Variants in IGHMBP2 observed in about 807,000 individuals in gnomAD.
The protein encoded by IGHMBP2 is immunoglobulin mu DNA binding protein 2, also known as DNA-binding protein SMUBP-2.
Under a neutral mutation model 96.0 loss-of-function variants are expected in IGHMBP2, and 81 were observed. The ratio of observed to expected loss-of-function variants is 0.84; its 90% confidence interval spans 0.71 to 1.01. The LOEUF (loss-of-function observed/expected upper bound fraction) is 1.01. Ranked by LOEUF, IGHMBP2 falls within the 50% of genes least tolerant of loss-of-function variation. The probability of loss-of-function intolerance (pLI) is 0.00; values close to 1 mark genes in which losing one functional copy is unlikely to be tolerated. For missense variants in IGHMBP2, 1,227 were observed against 1,306.3 expected, an observed-to-expected ratio of 0.94 and a Z score of 0.94; for synonymous variants, 557 against 548.9, an observed-to-expected ratio of 1.01 and a Z score of -0.21.
At chr11:68,930,291 A>G in intron 8 of IGHMBP2, 1 of 1,287,052 alleles carries the variant, frequency 7.8e-7, no homozygotes, top group Non-Finnish European at 1.0e-6. Context: ...TTGCCTTTTG[A>G]AACACTTCTC....
At position 68,933,438 on chromosome 11, in the gene IGHMBP2, G is replaced by A; in HGVS notation, c.1375G>A (p.Gly459Arg). 3 of 1,613,264 alleles carry A rather than the reference G, an allele frequency of 1.9e-6. No homozygotes were observed. In the Middle Eastern group the frequency reaches 4.9e-4, roughly 266 times the overall value. Reference sequence around the variant, plus strand: ...CTGGGCCTCAGACACCATGTACCTTGGGCAGCTCACAGCCCACTCTTCCGT... The same window carrying A: ...CTGGGCCTCAGACACCATGTACCTTAGGCAGCTCACAGCCCACTCTTCCGT... ...MRWASDTMYL[G>R]QLTAHSSVAR... Residue 459 changes from glycine to arginine, a missense_variant, in exon 9 of 15, where the codon GGG becomes AGG. This residue lies in a region of IGHMBP2 where 703 missense variants were observed against 770.3 expected (regional missense o/e 0.91). Transcript: ENST00000255078.
At chr11:68,917,972 G>A in intron 7 of IGHMBP2, 89 bp downstream of exon 7, 1 of 1,431,302 alleles carries the variant, frequency 7.0e-7, no homozygotes, top group Admixed American at 1.8e-5. Context: ...AGTTTGTTTA[G>A]AATTGGTATT....
At chr11:68,925,824 G>A (rs2154008031) in intron 7 of IGHMBP2, among the ~76,000 whole-genome samples, 1 of 152,194 alleles carries the variant, frequency 6.6e-6, no homozygotes, top group Middle Eastern at 3.4e-3. Context: ...TCTCATTGAG[G>A]GCTCCTTATA....
In IGHMBP2 at chr11:68,906,069, G is replaced by C. The variant is rs1157337995; in HGVS notation, c.87G>C (p.Arg29Ser). 6.2e-7 allele frequency: 1 copy of C among 1,613,954 alleles called. No homozygotes were observed. Among genetic ancestry groups the C allele is most frequent in the Non-Finnish European group, 8.5e-7 (1 of 1,179,980 alleles). ...LERDAEVEER[R>S]SWQENISLKE... ...AGCATCAATACCGGGTGTCTTCCAGGTCCTGGCAGGAGAACATCTCTCTGA... is the reference window on the plus strand; with the variant it reads ...AGCATCAATACCGGGTGTCTTCCAGCTCCTGGCAGGAGAACATCTCTCTGA... The change falls in exon 2 of 15, where the codon AGG (arginine) becomes AGC (serine). Residue 29 changes from arginine (R) to serine (S), a missense_variant and splice_region_variant. Physicochemically the swap from Arg to Ser is moderately radical, Grantham distance 110. Around this residue, in one of 3 missense-constraint regions of IGHMBP2, gnomAD observed 507 missense variants for 496.9 expected, o/e 1.02. Transcript: ENST00000255078.
At chr11:68,920,335 A>T (rs1216983940) in intron 7 of IGHMBP2, among the ~76,000 whole-genome samples, 1 of 152,168 alleles carries the variant, frequency 6.6e-6, no homozygotes, top group Non-Finnish European at 1.5e-5. Context: ...GACCTCCAGC[A>T]ATCCTCCCAC....
Position 68,938,555 on chromosome 11 carries a change from T to C in IGHMBP2, c.2784+201T>C, listed in dbSNP as rs149586993. Among the ~76,000 whole-genome samples the C allele has an allele frequency of 1.9e-3, 294 of 152,344 alleles. 3 individuals carry two copies. Among genetic ancestry groups the C allele is most frequent in the African/African-American group, 6.2e-3 (258 of 41,584 alleles). ...GGGCACAAGCAAACAAAATGCCTTATTTGCTGAGCTGCAGCCACGTTAGTG... is the reference window on the plus strand; with the variant it reads ...GGGCACAAGCAAACAAAATGCCTTACTTGCTGAGCTGCAGCCACGTTAGTG... On this transcript the variant is annotated intron_variant, in intron 14 of 14. Transcript: ENST00000255078.
chr11:68,935,134 C>A (rs1036991172), intron 11 of IGHMBP2, among the ~76,000 whole-genome samples, 165 bp from the exon 12 acceptor site: 34 of 152,208 alleles, frequency 2.2e-4, no homozygotes, highest in Admixed American at 1.8e-3. Flanking sequence ...CATGCGTGCC[C>A]GTGAGGAGGG....
rs1447708332 is a variant in IGHMBP2 at position 68,909,196 on chromosome 11, G to GT, written c.547+565_547+566insT. ...TTTGGCGGGGGGGGTGGAGGGGGGG[G>GT]GCGGATGGAGTCTCGCTCTGTCACC... On this transcript the variant is annotated intron_variant, in intron 4 of 14. Transcript: ENST00000255078. 4.1e-4 allele frequency among the ~76,000 whole-genome samples: 43 copies of GT among 105,246 alleles called. 1 individual carries two copies. The highest frequency in any genetic ancestry group is 7.5e-4 in the South Asian group (2 of 2,668). The allele number at this position is 105,246 out of a possible 152,430, so 69.0% of individuals were successfully genotyped here.
chr11:68,926,635 T>C (rs1859081924), intron 7 of IGHMBP2, among the ~76,000 whole-genome samples: 1 of 152,220 alleles, frequency 6.6e-6, no homozygotes, highest in African/African-American at 2.4e-5. Context: ...GGTGAGACAT[T>C]ATTCTCATAT....
intron 13 of IGHMBP2, 69 bp downstream of exon 13, chr11:68,937,160 C>G: frequency 6.4e-7 from 1 of 1,569,830 alleles, no homozygotes; most frequent in Non-Finnish European, 8.6e-7. Flanking sequence ...TGGAGCCCAC[C>G]TGCCACCATC....
rs1859487061 is a variant in IGHMBP2 at position 68,935,406 on chromosome 11, C to T, written c.1740C>T (p.Val580=). The T allele has an allele frequency of 6.2e-7, 1 of 1,613,970 alleles. No homozygotes were observed. Among genetic ancestry groups the T allele is most frequent in the African/African-American group, 1.3e-5 (1 of 74,948 alleles). Residue 580 remains valine (V), a synonymous_variant, in exon 12 of 15, where the codon GTC becomes GTT. Coordinates refer to ENST00000255078, the MANE Select transcript of IGHMBP2 (RefSeq NM_002180.3). The stretch of plus-strand genomic sequence containing the variant: ...AGGAGGCCGTGATACTGTCCTTCGT[C>T]AGATCCAACAGGAAAGGTACGGAGC... ...REKEAVILSF[V]RSNRKGEVGF...
At chr11:68,937,832 A>C in intron 13 of IGHMBP2, 1 of 282,810 alleles carries the variant, frequency 3.5e-6, no homozygotes, top group East Asian at 8.3e-5. Flanking sequence ...CTCCAGAGGA[A>C]TTCACTCCCC....
chr11:68,905,687 G>A (rs953042418), intron 1 of IGHMBP2, among the ~76,000 whole-genome samples: 2 of 152,224 alleles, frequency 1.3e-5, no homozygotes, highest in Non-Finnish European at 2.9e-5. Flanking sequence ...CCAGAGGTAA[G>A]GTAGTTGAGA....
intron 4 of IGHMBP2, 70 bp from the exon 5 acceptor site, chr11:68,911,370 A>G (rs1254851327): frequency 1.3e-5 from 20 of 1,526,972 alleles, no homozygotes; most frequent in Non-Finnish European, 1.6e-5. Flanking sequence ...CGGGGCACAC[A>G]CTCTCTGAGG....
chr11:68,936,263 C>T lies in IGHMBP2; in HGVS notation c.1783C>T (p.Arg595Trp), dbSNP rs746014167. 8.7e-6 allele frequency: 14 copies of T among 1,614,022 alleles called. No homozygotes were observed. Among genetic ancestry groups the T allele is most frequent in the Middle Eastern group, 1.6e-4 (1 of 6,084 alleles). Residue 595 changes from arginine to tryptophan, a missense_variant, in exon 13 of 15, where the codon CGG becomes TGG. Arg to Trp is a moderately radical substitution (Grantham distance 101). This residue lies in a region of IGHMBP2 where 703 missense variants were observed against 770.3 expected (regional missense o/e 0.91). Coordinates refer to ENST00000255078, the MANE Select transcript of IGHMBP2 (RefSeq NM_002180.3). Reference sequence around the variant, plus strand: ...TGAAGTTGGTTTTCTTGCTGAGGACCGGAGGATCAACGTGGCTGTCACCCG... The same window carrying T: ...TGAAGTTGGTTTTCTTGCTGAGGACTGGAGGATCAACGTGGCTGTCACCCG... Reference protein sequence around the residue: ...KGEVGFLAEDRRINVAVTRAR... With the variant: ...KGEVGFLAEDWRINVAVTRAR...
At chr11:68,939,140 T>C (rs1859657005) in intron 14 of IGHMBP2, among the ~76,000 whole-genome samples, 1 of 152,060 alleles carries the variant, frequency 6.6e-6, no homozygotes, top group African/African-American at 2.4e-5. Flanking sequence ...GCTGGGCATG[T>C]CCTGGCGAGC....
At position 68,936,576 on chromosome 11, in the gene IGHMBP2, G is replaced by C; in HGVS notation, c.2096G>C (p.Gly699Ala). The C allele has an allele frequency of 6.2e-7, 1 of 1,611,966 alleles. No individual in the cohort carries two copies. The highest frequency in any genetic ancestry group is 8.5e-7 in the Non-Finnish European group (1 of 1,178,856). Reference protein sequence around the residue: ...PARQGRKKPAGKSLASEAPSQ... With the variant: ...PARQGRKKPAAKSLASEAPSQ... ...AGACAGGGCCGGAAGAAGCCGGCTGGGAAGTCTCTGGCCTCTGAAGCTCCA... is the reference window on the plus strand; with the variant it reads ...AGACAGGGCCGGAAGAAGCCGGCTGCGAAGTCTCTGGCCTCTGAAGCTCCA... The change falls in exon 13 of 15, where the codon GGG (glycine) becomes GCG (alanine). Residue 699 changes from glycine to alanine, a missense_variant. Physicochemically the swap from Gly to Ala is moderately conservative, Grantham distance 60. This residue lies in a region of IGHMBP2 where 703 missense variants were observed against 770.3 expected (regional missense o/e 0.91). Coordinates refer to ENST00000255078, the MANE Select transcript of IGHMBP2 (RefSeq NM_002180.3).
At chr11:68,933,077 T>C (rs1462250282) in intron 8 of IGHMBP2, 1 of 593,916 alleles carries the variant, frequency 1.7e-6, no homozygotes, top group Non-Finnish European at 3.0e-6. Flanking sequence ...AGCTGCAGCG[T>C]CCCTGTTGTC....
At chr11:68,909,967 A>G (rs1858367121) in intron 4 of IGHMBP2, among the ~76,000 whole-genome samples, 2 of 152,122 alleles carry the variant, frequency 1.3e-5, no homozygotes, top group Non-Finnish European at 2.9e-5. Flanking sequence ...TTCTTGGAGA[A>G]CGTCATTTTT....
Sources: allele counts gnomAD v4.1 joint callset (sites outside exome capture counted in the v4.1 genomes callset), GRCh38; gene constraint gnomAD v4.1.1; regional missense constraint gnomAD v4.1.1; transcripts MANE v1.5; gene names NCBI Gene and HGNC (gene_info 2026-07-23, HGNC 2026-07-21).